Variants in SPACA6 observed in about 807,000 individuals in gnomAD.
SPACA6 encodes sperm acrosome associated 6.
For missense variants in SPACA6, 8 were observed against 2.8 expected, an observed-to-expected ratio of 2.88 and a Z score of -1.34; for synonymous variants, 6 against 1.5, an observed-to-expected ratio of 4.05 and a Z score of -2.21.
downstream of SPACA6, among the ~76,000 whole-genome samples, chr19:51,706,024 T>A (rs2083514319): frequency 6.6e-6 from 1 of 152,148 alleles, no homozygotes; most frequent in African/African-American, 2.4e-5. Flanking sequence ...GTGTGTCAGA[T>A]TGGGTTACTC....
At chr19:51,692,607 G>T (rs1214528989), upstream of SPACA6, 2 of 528,840 alleles carry the variant, frequency 3.8e-6, no homozygotes, top group Admixed American at 2.0e-5. This position sits in a 1 kb window ranked among gnomAD's most constrained non-coding sequence, Gnocchi z 5.6. Flanking sequence ...GGACTCCTGG[G>T]TCCTGGCACC....
chr19:51,693,548 A>G lies in SPACA6; in HGVS notation c.22A>G (p.Ser8Gly), dbSNP rs867739902. MALLALA[S>G]AVPSALLALA... ...CACGATGGCCCTGCTGGCTCTGGCC[A>G]GTGCCGTCCCGTCTGCCCTGCTGGC... The change falls in exon 1 of 9, where the codon AGT (serine) becomes GGT (glycine). Residue 8 changes from serine (S) to glycine (G), a missense_variant. Transcript: ENST00000637797. 4.4e-5 allele frequency: 21 copies of G among 473,614 alleles called. No homozygotes were observed. The highest frequency in any genetic ancestry group is 4.3e-4 in the South Asian group (10 of 23,118). The allele number at this position is 473,614 out of a possible 1,614,324, so 29.3% of individuals were successfully genotyped here. A position where few individuals can be genotyped will look rare whatever the true frequency, so the allele number is the denominator to read the frequency against.
chr19:51,704,702 C>G, intron 8 of SPACA6: 1 of 397,576 alleles, frequency 2.5e-6, no homozygotes, highest in Non-Finnish European at 4.4e-6. Flanking sequence ...CCCCCAGCCC[C>G]TCCTCCCTCA....
intron 2 of SPACA6, among the ~76,000 whole-genome samples, chr19:51,700,552 C>G (rs767063788): frequency 2.6e-5 from 4 of 152,094 alleles, no homozygotes; most frequent in Admixed American, 6.5e-5. Context: ...ATAACACATC[C>G]CAGGGATGGA....
At chr19:51,691,247 G>A (rs2083369679), upstream of SPACA6, among the ~76,000 whole-genome samples, 1 of 151,402 alleles carries the variant, frequency 6.6e-6, no homozygotes, top group Non-Finnish European at 1.5e-5. Context: ...GAAGGGGGAG[G>A]GGAGGAAAGA....
At chr19:51,705,628 GC>G (rs538108603), downstream of SPACA6, among the ~76,000 whole-genome samples, 217 of 151,958 alleles carry the variant, frequency 1.4e-3, no homozygotes, top group African/African-American at 4.9e-3. Context: ...CACTGGAGCA[GC>G]CCCCCACCAC....
At chr19:51,688,941 G>GGAGAGAGGGAGAGAGGGA (rs2083344126), upstream of SPACA6, among the ~76,000 whole-genome samples, 1 of 149,978 alleles carries the variant, frequency 6.7e-6, no homozygotes, top group Non-Finnish European at 1.5e-5. Context: ...AGGGAGGGAG[G>GGAGAGAGGGAGAGAGGGA]GAGAGAGGGA....
At chr19:51,702,878 G>A (rs1286436344) in intron 4 of SPACA6, 143 bp from the exon 5 acceptor site, 7 of 398,722 alleles carry the variant, frequency 1.8e-5, no homozygotes, top group Non-Finnish European at 2.7e-5. Context: ...AGGAGTGAGA[G>A]TCGGCCAAAG....
Position 51,704,136 on chromosome 19 carries a change from T to C in SPACA6, c.680T>C (p.Val227Ala), listed in dbSNP as rs1479540789. Residue 227 changes from valine (V) to alanine (A), a missense_variant, in exon 7 of 9, where the codon GTG becomes GCG. By Grantham distance (64) the Val-to-Ala change is moderately conservative (BLOSUM62 0). Transcript: ENST00000637797. ...ACGCACCGCGGGACGTTCTCCTGCG[T>C]GATCAAGCAAGACCAGCGCCCCCTG... ...QLTHRGTFSC[V>A]IKQDQRPLAR... 1.5e-5 allele frequency: 6 copies of C among 400,952 alleles called. No homozygotes were observed. Among genetic ancestry groups the C allele is most frequent in the Middle Eastern group, 3.1e-4 (1 of 3,240 alleles). The allele number at this position is 400,952 out of a possible 1,614,324, so 24.8% of individuals were successfully genotyped here.
At chr19:51,686,719 A>T (rs1231165076), upstream of SPACA6, 1 of 152,240 alleles carries the variant, frequency 6.6e-6, no homozygotes, top group East Asian at 1.9e-4. Flanking sequence ...GCAACTCGCT[A>T]TTCAGAACTG....
chr19:51,706,489 A>G (rs1001438029), downstream of SPACA6, among the ~76,000 whole-genome samples: 11 of 151,870 alleles, frequency 7.2e-5, no homozygotes, highest in Admixed American at 2.0e-4. Flanking sequence ...TCTCAGTCCC[A>G]TTTCCAGGCC....
At chr19:51,709,143 G>A (rs1331155067), downstream of SPACA6, among the ~76,000 whole-genome samples, 1 of 151,406 alleles carries the variant, frequency 6.6e-6, no homozygotes, top group African/African-American at 2.4e-5. Flanking sequence ...GCTTGAGCTT[G>A]AGAGGTCAAG....
chr19:51,702,648 C>T lies in SPACA6; in HGVS notation c.381C>T (p.Pro127=). ...CCACAGCCCAGGCTTGCATCCCTCC[C>T]TGCGGTAAGGACTTCATCTAAAACT... ...QLKEAQACIP[P]CGLQEFARRF... is the part of the protein sequence containing the mutation. Residue 127 remains proline (P), a synonymous_variant, in exon 4 of 9, where the codon CCC becomes CCT. Transcript: ENST00000637797. 1 of 399,256 alleles carries T rather than the reference C, an allele frequency of 2.5e-6. No homozygotes were observed. The highest frequency in any genetic ancestry group is 6.3e-4 in the Middle Eastern group (1 of 1,588). 24.7% of individuals were successfully genotyped at this position (399,256 alleles called of 1,614,324 possible).
chr19:51,689,130 C>G (rs918992849), upstream of SPACA6: 1 of 151,338 alleles, frequency 6.6e-6, no homozygotes, highest in Non-Finnish European at 1.5e-5. Flanking sequence ...CGCCGCCTCC[C>G]GGCCTCTTTT....
chr19:51,688,922 C>A (rs2083343275), upstream of SPACA6, among the ~76,000 whole-genome samples: 4 of 95,882 alleles, frequency 4.2e-5, no homozygotes, highest in Non-Finnish European at 4.2e-5. Flanking sequence ...AGAGAGAGAA[C>A]GAGAGAGAAG....
At chr19:51,706,310 C>T (rs1281242600), downstream of SPACA6, among the ~76,000 whole-genome samples, 3 of 152,060 alleles carry the variant, frequency 2.0e-5, no homozygotes, top group Non-Finnish European at 4.4e-5. Flanking sequence ...GTCTAGTTAA[C>T]TCTTATGATT....
chr19:51,686,615 T>A (rs987827938), upstream of SPACA6: 1 of 152,156 alleles, frequency 6.6e-6, no homozygotes, highest in Non-Finnish European at 1.5e-5. Context: ...TCCTTAGAAA[T>A]AGCATATTTT....
upstream of SPACA6, chr19:51,692,985 C>A: frequency 4.9e-6 from 2 of 406,748 alleles, no homozygotes; most frequent in Non-Finnish European, 1.0e-5. The surrounding 1 kb of genome is among the most constrained non-coding windows in gnomAD (Gnocchi z 5.6). Flanking sequence ...TGTCCTTGTC[C>A]CTGCATCCCC....
chr19:51,691,089 C>G (rs2083367524), upstream of SPACA6, among the ~76,000 whole-genome samples: 1 of 40,088 alleles, frequency 2.5e-5, no homozygotes, highest in Admixed American at 2.9e-4. Context: ...GCCTCTCCTC[C>G]CCCTCCTCAG....
Sources: allele counts gnomAD v4.1 joint callset (sites outside exome capture counted in the v4.1 genomes callset), GRCh38; gene constraint gnomAD v4.1.1; non-coding constraint Gnocchi (gnomAD v3.1); transcripts MANE v1.5; gene names NCBI Gene and HGNC (gene_info 2026-07-23, HGNC 2026-07-21).